CPQ: variants seen among roughly 807,000 people sequenced by gnomAD.
CPQ encodes carboxypeptidase Q.
A neutral mutation model predicts 45.7 loss-of-function variants in CPQ; 37 were observed. The ratio of observed to expected loss-of-function variants is 0.81; its 90% confidence interval spans 0.62 to 1.07. CPQ has a LOEUF of 1.07. CPQ is among the 50% of genes least tolerant of loss of function. The pLI is 0.00. For missense variants in CPQ, 537 were observed against 572.9 expected (o/e 0.94, Z 0.64); for synonymous variants, 186 against 205.8 (o/e 0.90, Z 0.82).
intron 1 of CPQ, among the ~76,000 whole-genome samples, chr8:96,687,180 C>CT (rs1563469130): frequency 1.8e-4 from 22 of 124,452 alleles, no homozygotes; most frequent in African/African-American, 2.5e-4. Flanking sequence ...TTTTCTTTCT[C>CT]TTCTCTTCTC....
chr8:96,867,304 C>G (rs1812008396), intron 3 of CPQ, among the ~76,000 whole-genome samples: 1 of 152,008 alleles, frequency 6.6e-6, no homozygotes, highest in Admixed American at 6.6e-5. Flanking sequence ...CAAAGCTCAG[C>G]AACAGAATCA....
intron 7 of CPQ, among the ~76,000 whole-genome samples, 155 bp from the exon 8 acceptor site, chr8:97,142,865 A>G (rs1036236889): frequency 6.6e-6 from 1 of 152,214 alleles, no homozygotes; most frequent in Non-Finnish European, 1.5e-5. Flanking sequence ...ATGGTGACAC[A>G]TGGACATTTC....
At chr8:97,067,324 G>A (rs890500754) in intron 7 of CPQ, among the ~76,000 whole-genome samples, 4 of 152,116 alleles carry the variant, frequency 2.6e-5, no homozygotes, top group Non-Finnish European at 5.9e-5. Context: ...GTGACCCGAG[G>A]TTGCTTCCTC....
intron 1 of CPQ, among the ~76,000 whole-genome samples, chr8:96,645,955 T>A (rs1164152110): frequency 6.6e-6 from 1 of 150,576 alleles, no homozygotes; most frequent in Non-Finnish European, 1.5e-5. Context: ...AGCTACTCAA[T>A]AAGTAATTGA....
chr8:96,752,553 T>C (rs1810275499), intron 1 of CPQ, among the ~76,000 whole-genome samples: 1 of 152,176 alleles, frequency 6.6e-6, no homozygotes, highest in Non-Finnish European at 1.5e-5. Context: ...TTTCTAGATA[T>C]AAGATCATGT....
At chr8:96,713,602 G>A (rs184589984) in intron 1 of CPQ, among the ~76,000 whole-genome samples, 4 of 152,238 alleles carry the variant, frequency 2.6e-5, no homozygotes, top group Admixed American at 2.6e-4. Context: ...ACTATCATGA[G>A]AATAGAAGCA....
chr8:97,055,334 C>T (rs1318547243), intron 6 of CPQ, among the ~76,000 whole-genome samples: 1 of 152,170 alleles, frequency 6.6e-6, no homozygotes, highest in Non-Finnish European at 1.5e-5. Context: ...GTTGCACCAC[C>T]TTTCCTTCAA....
At chr8:96,907,949 T>C (rs1447352258) in intron 4 of CPQ, among the ~76,000 whole-genome samples, 4 of 152,100 alleles carry the variant, frequency 2.6e-5, no homozygotes, top group African/African-American at 9.7e-5. Context: ...TGTCATATAA[T>C]TGGAGGCTCT....
At chr8:97,105,396 C>T (rs1586543693) in intron 7 of CPQ, among the ~76,000 whole-genome samples, 2 of 152,300 alleles carry the variant, frequency 1.3e-5, no homozygotes, top group East Asian at 3.9e-4. Flanking sequence ...GTCAGAATTT[C>T]ATCTCTTTTT....
chr8:96,798,129 C>T (rs1810960114), intron 2 of CPQ, among the ~76,000 whole-genome samples: 1 of 151,608 alleles, frequency 6.6e-6, no homozygotes, highest in Admixed American at 6.6e-5. Flanking sequence ...GCTTCTCTTT[C>T]CTAGGCCATA....
At chr8:96,931,693 C>T (rs1812977509) in intron 4 of CPQ, among the ~76,000 whole-genome samples, 2 of 152,186 alleles carry the variant, frequency 1.3e-5, no homozygotes, top group Admixed American at 1.3e-4. Context: ...CAGGGACTAA[C>T]ACGACAGTGG....
chr8:96,887,397 C>T (rs115839687), intron 4 of CPQ, among the ~76,000 whole-genome samples: 2,497 of 152,264 alleles, frequency 0.016, 69 homozygotes, highest in African/African-American at 0.054. Context: ...TCTTGGAAAG[C>T]GAGGGCTGTC....
intron 1 of CPQ, among the ~76,000 whole-genome samples, chr8:96,756,669 AT>A (rs1810330258): frequency 6.6e-6 from 1 of 152,104 alleles, no homozygotes; most frequent in Admixed American, 6.6e-5. Context: ...CTTGTTTCAT[AT>A]TTGGACCATT....
At chr8:96,781,155 A>G (rs1228277738) in intron 1 of CPQ, among the ~76,000 whole-genome samples, 1 of 152,220 alleles carries the variant, frequency 6.6e-6, no homozygotes, top group Non-Finnish European at 1.5e-5. Context: ...AGAAAGGTGA[A>G]AGTAAAAAGA....
intron 1 of CPQ, among the ~76,000 whole-genome samples, chr8:96,706,015 C>T (rs1478705460): frequency 6.6e-6 from 1 of 152,084 alleles, no homozygotes; most frequent in Non-Finnish European, 1.5e-5. Context: ...GGCTAGGTGC[C>T]TCTGCTACTA....
At position 97,143,090 on chromosome 8, in the gene CPQ, C is replaced by G; in HGVS notation, c.1326C>G (p.Val442=). ...FHHSHGDTMT[V]MDPKQMNVAA... ...ACTCCCACGGAGACACCATGACTGT[C>G]ATGGATCCAAAGCAGATGAATGTTG... Residue 442 remains valine (V), a synonymous_variant, in exon 8 of 8, where the codon GTC becomes GTG. Transcript: ENST00000220763. The G allele has an allele frequency of 6.2e-7, 1 of 1,613,990 alleles. No individual in the cohort carries two copies. The highest frequency in any genetic ancestry group is 8.5e-7 in the Non-Finnish European group (1 of 1,179,930).
intron 1 of CPQ, among the ~76,000 whole-genome samples, chr8:96,772,116 G>A (rs1415073513): frequency 6.6e-6 from 1 of 152,116 alleles, no homozygotes; most frequent in East Asian, 1.9e-4. Flanking sequence ...AGAGATAACT[G>A]TTGTAACAAA....
intron 1 of CPQ, among the ~76,000 whole-genome samples, chr8:96,754,564 T>C (rs555144934): frequency 6.6e-6 from 1 of 152,154 alleles, no homozygotes; most frequent in Non-Finnish European, 1.5e-5. Context: ...TAGAACCAGT[T>C]TTGCAAATTA....
intron 1 of CPQ, among the ~76,000 whole-genome samples, chr8:96,668,501 C>A (rs1808957602): frequency 6.6e-6 from 1 of 152,066 alleles, no homozygotes; most frequent in East Asian, 1.9e-4. Flanking sequence ...TTCAAAGAGA[C>A]CATATTCAGG....
Sources: allele counts gnomAD v4.1 joint callset (sites outside exome capture counted in the v4.1 genomes callset), GRCh38; gene constraint gnomAD v4.1.1; transcripts MANE v1.5; gene names NCBI Gene and HGNC (gene_info 2026-07-23, HGNC 2026-07-21).